Variants in MAP3K21 observed in about 807,000 individuals in gnomAD.
The protein encoded by MAP3K21 is mitogen-activated protein kinase kinase kinase 21, also known as mitogen-activated protein kinase kinase kinase MLK4.
MAP3K21 carries 63 observed loss-of-function variants against 86.1 expected under a neutral mutation model. The observed-to-expected ratio is 0.73, with a 90% CI of 0.60 to 0.90. MAP3K21 has a LOEUF of 0.90. Among genes scored for constraint, MAP3K21 ranks in the 40% least tolerant of loss-of-function variants. The probability of loss-of-function intolerance (pLI) is 0.00; values close to 1 mark genes in which losing one functional copy is unlikely to be tolerated. For synonymous variants in MAP3K21, 558 were observed against 564.8 expected, an observed-to-expected ratio of 0.99 and a Z score of 0.17; for missense variants, 1,220 against 1,367.7, an observed-to-expected ratio of 0.89 and a Z score of 1.70.
Position 233,362,270 on chromosome 1 carries a change from G to T in MAP3K21, c.1529G>T (p.Gly510Val). The T allele has an allele frequency of 6.2e-7, 1 of 1,614,214 alleles. No homozygotes were observed. The highest frequency in any genetic ancestry group is 8.5e-7 in the Non-Finnish European group (1 of 1,180,040). Residue 510 changes from glycine to valine, a missense_variant, in exon 5 of 10, where the codon GGA (glycine) becomes GTA (valine). This residue lies in a region of MAP3K21 where 632 missense variants were observed against 691.3 expected (regional missense o/e 0.91). Coordinates refer to ENST00000366624, the MANE Select transcript of MAP3K21 (RefSeq NM_032435.3). Reference sequence around the variant, plus strand: ...AGAAGTCGTTTAAAGCTCAAAGATGGACATCGAATCAGTTTACCTTCAGGT... The same window carrying T: ...AGAAGTCGTTTAAAGCTCAAAGATGTACATCGAATCAGTTTACCTTCAGGT... ...FKRSRLKLKD[G>V]HRISLPSDFQ...
chr1:233,358,650 G>A (rs1663410755), intron 4 of MAP3K21, among the ~76,000 whole-genome samples: 1 of 152,058 alleles, frequency 6.6e-6, no homozygotes, highest in Admixed American at 6.6e-5. Context: ...GTTACTGGCT[G>A]GGTGTGATGG....
intron 1 of MAP3K21, among the ~76,000 whole-genome samples, chr1:233,345,225 T>C (rs543365365): frequency 2.8e-4 from 43 of 152,300 alleles, no homozygotes; most frequent in Admixed American, 1.2e-3. Context: ...AGCAATCCCA[T>C]TTCTGGGTAT....
At chr1:233,373,607 C>G (rs1185362015) in intron 6 of MAP3K21, 1 of 152,388 alleles carries the variant, frequency 6.6e-6, no homozygotes, top group Non-Finnish European at 1.5e-5. Context: ...GGCTCAAGTT[C>G]TCCAGCCTGG....
chr1:233,358,989 T>G (rs1256850565), intron 4 of MAP3K21, among the ~76,000 whole-genome samples: 1 of 151,998 alleles, frequency 6.6e-6, no homozygotes, highest in African/African-American at 2.4e-5. Context: ...TTTTTTGTAT[T>G]TTTAGTAGAG....
At position 233,382,884 on chromosome 1, in the gene MAP3K21, T is replaced by C. The variant is rs181158521; in HGVS notation, c.*173T>C. The C allele has an allele frequency of 9.1e-5, 53 of 581,908 alleles. No homozygotes were observed. The Admixed American group carries it at 1.5e-3, about 17-fold the overall frequency. 36.0% of individuals were successfully genotyped at this position (581,908 alleles called of 1,614,324 possible). A position where few individuals can be genotyped will look rare whatever the true frequency, so the allele number is the denominator to read the frequency against. On this transcript the variant is annotated 3_prime_UTR_variant, in exon 10 of 10. Coordinates refer to ENST00000366624, the MANE Select transcript of MAP3K21 (RefSeq NM_032435.3). ...ATGTATATGATTGCTGTTAGCCATG[T>C]CTATTGTTTTTCCTCTGGATTCTTT...
intron 5 of MAP3K21, among the ~76,000 whole-genome samples, chr1:233,367,349 A>G (rs1473286069): frequency 3.9e-5 from 6 of 152,210 alleles, no homozygotes; most frequent in Non-Finnish European, 8.8e-5. Context: ...TGAAATATTC[A>G]TATTGCCAGC....
At chr1:233,342,720 A>G (rs1360626851) in intron 1 of MAP3K21, among the ~76,000 whole-genome samples, 1 of 152,090 alleles carries the variant, frequency 6.6e-6, no homozygotes, top group Non-Finnish European at 1.5e-5. Flanking sequence ...GAAAATTGGG[A>G]CAGTATAGAT....
In MAP3K21 at chr1:233,339,241, TTCTTCTTCTTCTTCTTCTTCTTCTTCC is replaced by T. The variant is rs1294105398; in HGVS notation, c.806-7177_806-7151del. On this transcript the variant is annotated intron_variant, in intron 1 of 9. Coordinates refer to ENST00000366624, the MANE Select transcript of MAP3K21 (RefSeq NM_032435.3). ...CTTCTTCTTCTTCTTCTTCTTCTTC[TTCTTCTTCTTCTTCTTCTTCTTCTTCC>T]TCTTCTTCTTCTTCTTCTTCTTCCT... is the stretch of plus-strand genomic sequence containing the variant. Among the ~76,000 whole-genome samples the T allele has an allele frequency of 5.1e-3, 453 of 88,546 alleles. 19 individuals carry two copies. The highest frequency in any genetic ancestry group is 0.011 in the African/African-American group (238 of 22,626). The allele number at this position is 88,546 out of a possible 152,430, so 58.1% of individuals were successfully genotyped here. A position where few individuals can be genotyped will look rare whatever the true frequency, so the allele number is the denominator to read the frequency against.
At chr1:233,336,416 C>T (rs1662915470) in intron 1 of MAP3K21, among the ~76,000 whole-genome samples, 1 of 151,980 alleles carries the variant, frequency 6.6e-6, no homozygotes. Context: ...TGGTGGGTGC[C>T]TGTAATCTCA....
At chr1:233,330,322 G>A (rs1158190953) in intron 1 of MAP3K21, among the ~76,000 whole-genome samples, 2 of 152,184 alleles carry the variant, frequency 1.3e-5, no homozygotes, top group African/African-American at 4.8e-5. Context: ...TGGTAGCGGT[G>A]TATTCTTAGT....
At chr1:233,334,290 A>ACAC in intron 1 of MAP3K21, among the ~76,000 whole-genome samples, 1 of 151,790 alleles carries the variant, frequency 6.6e-6, no homozygotes, top group East Asian at 1.9e-4. Context: ...CATGTAAGAG[A>ACAC]CACCACCTCT....
At chr1:233,353,782 A>C in intron 2 of MAP3K21, 25 bp from the exon 3 acceptor site, 1 of 1,545,618 alleles carries the variant, frequency 6.5e-7, no homozygotes, top group Non-Finnish European at 8.7e-7. Context: ...TAGCCCATTG[A>C]GCATATGAAA....
At chr1:233,371,945 C>T (rs1360744673) in intron 5 of MAP3K21, 93 bp from the exon 6 acceptor site, 1 of 1,294,248 alleles carries the variant, frequency 7.7e-7, no homozygotes, top group Non-Finnish European at 1.1e-6. Flanking sequence ...TAGGGTCTGA[C>T]CATTTTTGTT....
intron 5 of MAP3K21, among the ~76,000 whole-genome samples, chr1:233,370,011 A>G (rs1376893786): frequency 6.6e-6 from 1 of 152,174 alleles, no homozygotes; most frequent in Admixed American, 6.5e-5. Context: ...AAGCAGGGGA[A>G]TGACATGTCA....
Position 233,346,365 on chromosome 1 carries a change from G to A in MAP3K21, c.806-77G>A, listed in dbSNP as rs2102763546. 4.3e-6 allele frequency: 5 copies of A among 1,166,568 alleles called. 1 individual carries two copies. Among genetic ancestry groups the A allele is most frequent in the Middle Eastern group, 5.5e-4 (2 of 3,606 alleles). 72.3% of individuals were successfully genotyped at this position (1,166,568 alleles called of 1,614,324 possible). A position where few individuals can be genotyped will look rare whatever the true frequency, so the allele number is the denominator to read the frequency against. ...TTCTGCCAACTACAGTGAAGATTGT[G>A]TTTTACATGCCACAGAAAAATTGTG... On this transcript the variant is annotated intron_variant, in intron 1 of 9. Transcript: ENST00000366624.
At chr1:233,332,238 G>A (rs1291827804) in intron 1 of MAP3K21, among the ~76,000 whole-genome samples, 1 of 152,138 alleles carries the variant, frequency 6.6e-6, no homozygotes, top group Non-Finnish European at 1.5e-5. Flanking sequence ...ATAGATGGCA[G>A]TCACGTAATA....
Position 233,382,858 on chromosome 1 carries a change from A to G in MAP3K21, c.*147A>G. The G allele has an allele frequency of 3.0e-6, 2 of 658,734 alleles. No individual in the cohort carries two copies. The highest frequency in any genetic ancestry group is 4.1e-5 in the South Asian group (2 of 48,222). 40.8% of individuals were successfully genotyped at this position (658,734 alleles called of 1,614,324 possible). On this transcript the variant is annotated 3_prime_UTR_variant, in exon 10 of 10. Coordinates refer to ENST00000366624, the MANE Select transcript of MAP3K21 (RefSeq NM_032435.3). ...GTAAGATATATCCAGCTTCTCAAAA[A>G]ATGTATATGATTGCTGTTAGCCATG...
rs1327008752 is a variant in MAP3K21 at position 233,383,747 on chromosome 1, T to C, written c.*1036T>C. 1 of 152,202 alleles carries C rather than the reference T, an allele frequency of 6.6e-6. No homozygotes were observed. Among genetic ancestry groups the C allele is most frequent in the East Asian group, 1.9e-4 (1 of 5,196 alleles). 9.4% of individuals were successfully genotyped at this position (152,202 alleles called of 1,614,324 possible). A position where few individuals can be genotyped will look rare whatever the true frequency, so the allele number is the denominator to read the frequency against. On this transcript the variant is annotated 3_prime_UTR_variant, in exon 10 of 10. Coordinates refer to ENST00000366624, the MANE Select transcript of MAP3K21 (RefSeq NM_032435.3). ...GACAACTCAAGGAACAGCAGTACAG[T>C]ACTATTAGAAGTTAAGTATGTTGTT...
rs1163398098 is a variant in MAP3K21 at position 233,384,102 on chromosome 1, A to T, written c.*1391A>T. ...ATCGACATTTAAATTTTTCCAAACA[A>T]TGAAAAACTAAATTAAAAACATTGC... On this transcript the variant is annotated 3_prime_UTR_variant, in exon 10 of 10. Transcript: ENST00000366624. 3.9e-5 allele frequency: 6 copies of T among 152,206 alleles called. No homozygotes were observed. The highest frequency in any genetic ancestry group is 3.9e-4 in the Admixed American group (6 of 15,280). The allele number at this position is 152,206 out of a possible 1,614,324, so 9.4% of individuals were successfully genotyped here.
Sources: gnomAD v4.1 joint callset for allele counts (sites outside exome capture counted in the v4.1 genomes callset) on GRCh38, gnomAD v4.1.1 for gene constraint, gnomAD v4.1.1 regional missense constraint, MANE v1.5 for transcripts, NCBI Gene and HGNC (gene_info 2026-07-23, HGNC 2026-07-21) for gene names.